The following R3HDM2 variants were observed in gnomAD, a reference collection of about 807,000 sequenced individuals.
R3HDM2 encodes R3H domain-containing protein 2.
A neutral mutation model predicts 124.5 loss-of-function variants in R3HDM2; 38 were observed. That is an observed-to-expected ratio of 0.31 (90% CI 0.24 to 0.40). The LOEUF (loss-of-function observed/expected upper bound fraction) is 0.40. Ranked by LOEUF, R3HDM2 falls within the 10% of genes least tolerant of loss-of-function variation. R3HDM2 has a pLI of 1.00. For missense variants in R3HDM2, 869 were observed against 1,236.9 expected (o/e 0.70, Z 4.46); for synonymous variants, 391 against 448.0 (o/e 0.87, Z 1.61).
chr12:57,372,134 TG>T (rs779830602), intron 2 of R3HDM2, among the ~76,000 whole-genome samples: 60 of 152,184 alleles, frequency 3.9e-4, no homozygotes, highest in Non-Finnish European at 8.1e-4. Flanking sequence ...CTCAAAGTGC[TG>T]GGATTACAGG....
intron 2 of R3HDM2, among the ~76,000 whole-genome samples, chr12:57,352,818 A>T (rs2060826921): frequency 6.6e-6 from 1 of 152,112 alleles, no homozygotes; most frequent in African/African-American, 2.4e-5. Flanking sequence ...ATAGTAATTA[A>T]GACCTGGGAA....
intron 20 of R3HDM2, 123 bp from the exon 21 acceptor site, chr12:57,258,260 T>C: frequency 1.1e-6 from 1 of 885,496 alleles, no homozygotes; most frequent in Middle Eastern, 2.7e-4. Flanking sequence ...TCTGCCAAAG[T>C]CAGACTCTTC....
At chr12:57,376,890 G>A (rs993918217) in intron 2 of R3HDM2, among the ~76,000 whole-genome samples, 1 of 151,792 alleles carries the variant, frequency 6.6e-6, no homozygotes, top group African/African-American at 2.4e-5. Flanking sequence ...GGCGGCGGTT[G>A]CAATGAGCCG....
chr12:57,267,904 T>C (rs1239576944), intron 18 of R3HDM2, among the ~76,000 whole-genome samples: 2 of 152,214 alleles, frequency 1.3e-5, no homozygotes, highest in Non-Finnish European at 2.9e-5. Context: ...TATTCAGTTA[T>C]ATATAAATAG....
intron 23 of R3HDM2, among the ~76,000 whole-genome samples, chr12:57,255,788 C>T (rs781271752): frequency 5.9e-5 from 9 of 152,264 alleles, no homozygotes; most frequent in Middle Eastern, 3.4e-3. Flanking sequence ...CACTTTTTAC[C>T]ATGATCTTCC....
chr12:57,265,430 T>A (rs1380956952), intron 19 of R3HDM2, among the ~76,000 whole-genome samples: 6 of 151,846 alleles, frequency 4.0e-5, no homozygotes, highest in Non-Finnish European at 5.9e-5. Flanking sequence ...GCTGTCTATA[T>A]GAAGGATAAG....
At chr12:57,297,506 C>A in intron 7 of R3HDM2, 119 bp from the exon 8 acceptor site, 1 of 599,250 alleles carries the variant, frequency 1.7e-6, no homozygotes, top group South Asian at 2.3e-5. Context: ...AGGTATATAT[C>A]CAAACCCAGT....
intron 1 of R3HDM2, among the ~76,000 whole-genome samples, chr12:57,409,695 T>C (rs2068847976): frequency 8.1e-6 from 1 of 122,918 alleles, no homozygotes; most frequent in Non-Finnish European, 1.8e-5. Context: ...TTTATCCCTT[T>C]TGTAAAAAGT....
Position 57,310,367 on chromosome 12 carries a change from A to C in R3HDM2, c.62T>G (p.Leu21Arg). The C allele has an allele frequency of 6.5e-7, 1 of 1,547,696 alleles. No homozygotes were observed. The highest frequency in any genetic ancestry group is 8.7e-7 in the Non-Finnish European group (1 of 1,144,590). Residue 21 changes from leucine to arginine, a missense_variant, in exon 3 of 24, where the codon CTG becomes CGG. Leu to Arg is a moderately radical substitution (Grantham distance 102, BLOSUM62 -2). This residue lies in a region of R3HDM2 where 267 missense variants were observed against 447.7 expected (regional missense o/e 0.60). Coordinates refer to ENST00000402412, the MANE Select transcript of R3HDM2 (RefSeq NM_001394031.1). ...LEIMKESEKK[L>R]VEESVNKNKF... ...GTTTTTGTTTACAGATTCTTCCACC[A>C]GTTTTTTTTCTGATTCTTTCATTAT... is the stretch of plus-strand genomic sequence containing the variant.
intron 1 of R3HDM2, among the ~76,000 whole-genome samples, chr12:57,397,323 C>T (rs1173203009): frequency 1.3e-5 from 2 of 152,080 alleles, no homozygotes; most frequent in Admixed American, 6.6e-5. Context: ...ACCATTGGAA[C>T]CCTTAATATG....
intron 2 of R3HDM2, among the ~76,000 whole-genome samples, chr12:57,385,309 C>CT (rs1282765321): frequency 4.7e-4 from 69 of 147,560 alleles, no homozygotes; most frequent in African/African-American, 1.6e-3. Context: ...ATGGCGCAAT[C>CT]TGGCTCACTG....
In R3HDM2 at chr12:57,297,405, AAAC is replaced by A. The variant is rs1019210755; in HGVS notation, c.501-21_501-19del. 2 of 1,397,348 alleles carry A rather than the reference AAAC, an allele frequency of 1.4e-6. No individual in the cohort carries two copies. The highest frequency in any genetic ancestry group is 2.2e-5 in the Admixed American group (1 of 46,228). 86.6% of individuals were successfully genotyped at this position (1,397,348 alleles called of 1,614,324 possible). A position where few individuals can be genotyped will look rare whatever the true frequency, so the allele number is the denominator to read the frequency against. On this transcript the variant is annotated intron_variant, in intron 7 of 23. Coordinates refer to ENST00000402412, the MANE Select transcript of R3HDM2 (RefSeq NM_001394031.1). ...TTCTGTCCCTGTTTAAAAAAGATTA[AAAC>A]AAAACAAAACAAAACAAAAAGCAGC...
intron 2 of R3HDM2, among the ~76,000 whole-genome samples, chr12:57,395,322 C>A (rs149338575): frequency 1.3e-5 from 2 of 151,676 alleles, no homozygotes; most frequent in Non-Finnish European, 2.9e-5. Context: ...CTGACCAACA[C>A]GGAGAAACGC....
rs1180380439 is a variant in R3HDM2 at position 57,338,402 on chromosome 12, TAAC to T, written c.-35-27942_-35-27940del. On this transcript the variant is annotated intron_variant, in intron 2 of 23. Coordinates refer to ENST00000402412, the MANE Select transcript of R3HDM2 (RefSeq NM_001394031.1). ...TCAACAACTCAGAGATAACTGCTAT[TAAC>T]AACATGATGTTTTGAGATATCTCTT... Among the ~76,000 whole-genome samples, 4 of 152,234 alleles carry T rather than the reference TAAC, an allele frequency of 2.6e-5. No individual in the cohort carries two copies. The South Asian group carries it at 6.2e-4, about 24-fold the overall frequency.
At chr12:57,317,102 A>G (rs1015530085) in intron 2 of R3HDM2, among the ~76,000 whole-genome samples, 2 of 151,352 alleles carry the variant, frequency 1.3e-5, no homozygotes, top group East Asian at 2.0e-4. Context: ...GCCTGGTCTC[A>G]ATCTCTTGAC....
chr12:57,380,824 T>G (rs2064762607), intron 2 of R3HDM2, among the ~76,000 whole-genome samples: 1 of 152,114 alleles, frequency 6.6e-6, no homozygotes, highest in Non-Finnish European at 1.5e-5. Context: ...GAAACTACAA[T>G]GCTATAAATA....
chr12:57,280,637 A>T (rs904630066), intron 13 of R3HDM2, 107 bp from the exon 14 acceptor site: 2 of 1,045,006 alleles, frequency 1.9e-6, no homozygotes, highest in African/African-American at 3.3e-5. Flanking sequence ...TTTCCTCTTT[A>T]TTCCCTTTTG....
At position 57,310,052 on chromosome 12, in the gene R3HDM2, T is replaced by A. The variant is rs569846661; in HGVS notation, c.165+212A>T. Among the ~76,000 whole-genome samples, 8 of 152,120 alleles carry A rather than the reference T, an allele frequency of 5.3e-5. 1 individual carries two copies. In the South Asian group the frequency reaches 6.2e-4, roughly 12 times the overall value. On this transcript the variant is annotated intron_variant, in intron 3 of 23. Transcript: ENST00000402412. The stretch of plus-strand genomic sequence containing the variant: ...CATAGACCCTGTCTCTACAAAAAAA[T>A]TTTTTTATATTAGCTGGATGTGGTT...
chr12:57,310,460 A>C lies in R3HDM2; in HGVS notation c.-32T>G. Reference sequence around the variant, plus strand: ...CAATAGAATACAGTGGCCTCTATGGACTCCTAAAGAAACATCAAATGCATT... The same window carrying C: ...CAATAGAATACAGTGGCCTCTATGGCCTCCTAAAGAAACATCAAATGCATT... On this transcript the variant is annotated 5_prime_UTR_variant, in exon 3 of 24. Transcript: ENST00000402412. 1 of 1,455,300 alleles carries C rather than the reference A, an allele frequency of 6.9e-7. No individual in the cohort carries two copies. The highest frequency in any genetic ancestry group is 9.1e-7 in the Non-Finnish European group (1 of 1,101,564). 90.1% of individuals were successfully genotyped at this position (1,455,300 alleles called of 1,614,324 possible).
Sources: gnomAD v4.1 joint callset for allele counts (sites outside exome capture counted in the v4.1 genomes callset) on GRCh38, gnomAD v4.1.1 for gene constraint, gnomAD v4.1.1 regional missense constraint, MANE v1.5 for transcripts, NCBI Gene and HGNC (gene_info 2026-07-23, HGNC 2026-07-21) for gene names.